Variants in CDH13 observed in about 807,000 individuals in gnomAD.
The protein encoded by CDH13 is cadherin 13, also known as cadherin-13.
Under a neutral mutation model 63.8 loss-of-function variants are expected in CDH13, and 24 were observed. The ratio of observed to expected loss-of-function variants is 0.38; its 90% confidence interval spans 0.27 to 0.53. CDH13 has a LOEUF of 0.53. Ranked by LOEUF, CDH13 falls within the 20% of genes least tolerant of loss-of-function variation. The pLI, the probability that CDH13 is intolerant of heterozygous loss-of-function variation, is 0.85. For synonymous variants in CDH13, 503 were observed against 355.3 expected, an observed-to-expected ratio of 1.42 and a Z score of -4.67; for missense variants, 1,049 against 903.1, an observed-to-expected ratio of 1.16 and a Z score of -2.07.
chr16:83,190,164 T>G (rs1027424855), intron 4 of CDH13, among the ~76,000 whole-genome samples: 1 of 152,234 alleles, frequency 6.6e-6, no homozygotes, highest in African/African-American at 2.4e-5. Context: ...TGGTATAACA[T>G]TGGGCAAATG....
intron 5 of CDH13, among the ~76,000 whole-genome samples, chr16:83,307,993 A>G (rs1450102495): frequency 1.3e-5 from 2 of 152,148 alleles, no homozygotes; most frequent in African/African-American, 4.8e-5. Flanking sequence ...CATAATTTGC[A>G]TTTTTAAATG....
chr16:83,384,125 T>C (rs1255118667), intron 6 of CDH13, among the ~76,000 whole-genome samples: 2 of 152,184 alleles, frequency 1.3e-5, no homozygotes, highest in Admixed American at 1.3e-4. Flanking sequence ...CAAACTGATA[T>C]CTCCAATTCC....
intron 3 of CDH13, among the ~76,000 whole-genome samples, chr16:83,055,922 T>C (rs2030879662): frequency 6.6e-6 from 1 of 152,110 alleles, no homozygotes; most frequent in Admixed American, 6.6e-5. Flanking sequence ...AGGCAGGCTA[T>C]ACAGTGGAAA....
chr16:83,575,248 T>C (rs1905001044), intron 7 of CDH13, among the ~76,000 whole-genome samples: 1 of 152,214 alleles, frequency 6.6e-6, no homozygotes, highest in African/African-American at 2.4e-5. Flanking sequence ...GTTGGACAAC[T>C]CTGTAAATAT....
At chr16:83,103,060 T>C (rs2034577591) in intron 3 of CDH13, among the ~76,000 whole-genome samples, 2 of 150,244 alleles carry the variant, frequency 1.3e-5, no homozygotes, top group South Asian at 4.2e-4. Flanking sequence ...TCAAACAATT[T>C]TCCTGCCTCA....
At chr16:82,838,689 A>G (rs1247321322) in intron 1 of CDH13, among the ~76,000 whole-genome samples, 1 of 152,124 alleles carries the variant, frequency 6.6e-6, no homozygotes, top group African/African-American at 2.4e-5. Flanking sequence ...GTTTATACTC[A>G]AAGTCATTGT....
intron 4 of CDH13, among the ~76,000 whole-genome samples, chr16:83,203,595 G>C (rs964502845): frequency 1.5e-5 from 2 of 134,346 alleles, no homozygotes; most frequent in African/African-American, 5.5e-5. Flanking sequence ...GCTGAGGCAG[G>C]AGAATGGTGT....
At chr16:83,422,936 T>C (rs2071760487) in intron 6 of CDH13, among the ~76,000 whole-genome samples, 1 of 152,190 alleles carries the variant, frequency 6.6e-6, no homozygotes, top group Non-Finnish European at 1.5e-5. Flanking sequence ...ATTTCCTGAG[T>C]ACCCACTATA....
At chr16:83,734,753 T>TAATAATAATAATAAA (rs1353364606) in intron 10 of CDH13, among the ~76,000 whole-genome samples, 9 of 149,194 alleles carry the variant, frequency 6.0e-5, no homozygotes, top group Admixed American at 1.3e-4. Context: ...ATAATAATAA[T>TAATAATAATAATAAA]AAAAACAGGG....
intron 1 of CDH13, among the ~76,000 whole-genome samples, chr16:82,848,839 T>C (rs1449018272): frequency 6.6e-6 from 1 of 152,152 alleles, no homozygotes; most frequent in Non-Finnish European, 1.5e-5. Context: ...CTAGAAATGA[T>C]TAAGCTAAGT....
chr16:83,774,563 A>G (rs1411184712), intron 11 of CDH13, among the ~76,000 whole-genome samples: 1 of 152,152 alleles, frequency 6.6e-6, no homozygotes, highest in Non-Finnish European at 1.5e-5. Context: ...TAGTAGAGAC[A>G]GGGTTTCGCC....
chr16:83,248,554 A>G (rs941720991), intron 5 of CDH13, among the ~76,000 whole-genome samples: 8 of 152,194 alleles, frequency 5.3e-5, no homozygotes, highest in African/African-American at 1.9e-4. Flanking sequence ...GATTTCTACA[A>G]TGTAGTACAT....
chr16:83,295,729 G>A (rs949937011), intron 5 of CDH13, among the ~76,000 whole-genome samples: 2 of 152,174 alleles, frequency 1.3e-5, no homozygotes, highest in African/African-American at 4.8e-5. Context: ...TGATGGGAAT[G>A]TAAGTACAGC....
intron 6 of CDH13, among the ~76,000 whole-genome samples, chr16:83,430,546 T>C (rs1156250160): frequency 6.6e-6 from 1 of 152,228 alleles, no homozygotes; most frequent in Non-Finnish European, 1.5e-5. Context: ...ACCTTTATTC[T>C]TCTTTTTGAA....
intron 5 of CDH13, among the ~76,000 whole-genome samples, chr16:83,324,090 T>G (rs982479229): frequency 4.4e-4 from 66 of 149,458 alleles, no homozygotes; most frequent in African/African-American, 1.6e-3. Context: ...CAAGCCGGAG[T>G]GCAATGGCAC....
At chr16:83,430,774 A>T (rs532330728) in intron 6 of CDH13, among the ~76,000 whole-genome samples, 5 of 152,284 alleles carry the variant, frequency 3.3e-5, no homozygotes, top group South Asian at 4.1e-4. Flanking sequence ...CCAGATTTTT[A>T]AAAAAGTTTA....
rs1049150897 is a variant in CDH13, at chr16:83,543,971, A to G, written c.960+57316A>G. Among the ~76,000 whole-genome samples the G allele has an allele frequency of 4.6e-5, 7 of 152,228 alleles. No individual in the cohort carries two copies. The East Asian group carries it at 1.3e-3, about 29-fold the overall frequency. On this transcript the variant is annotated intron_variant, in intron 7 of 13. Coordinates refer to ENST00000567109, the MANE Select transcript of CDH13 (RefSeq NM_001257.5). ...GCCGGTAGCAGGAGTGCCAGGGAGA[A>G]CACAGCTTTGTTGTTCCATATCCAG...
chr16:83,036,968 G>A (rs910311797), intron 3 of CDH13, among the ~76,000 whole-genome samples: 1 of 152,138 alleles, frequency 6.6e-6, no homozygotes, highest in African/African-American at 2.4e-5. Context: ...GGGCAGACAG[G>A]ATGGAGACAG....
intron 6 of CDH13, among the ~76,000 whole-genome samples, chr16:83,439,090 G>C (rs1375081772): frequency 6.6e-6 from 1 of 152,170 alleles, no homozygotes; most frequent in Admixed American, 6.5e-5. Flanking sequence ...TCTTCCAATA[G>C]CTATGTGATC....
Sources: allele counts gnomAD v4.1 joint callset (sites outside exome capture counted in the v4.1 genomes callset), GRCh38; gene constraint gnomAD v4.1.1; transcripts MANE v1.5; gene names NCBI Gene and HGNC (gene_info 2026-07-23, HGNC 2026-07-21).